Variants in MNDA observed in about 807,000 individuals in gnomAD.
MNDA encodes myeloid cell nuclear differentiation antigen.
A neutral mutation model predicts 37.8 loss-of-function variants in MNDA; 43 were observed. That is an observed-to-expected ratio of 1.14 (90% confidence interval 0.89 to 1.47). The LOEUF (loss-of-function observed/expected upper bound fraction) is 1.47. Ranked by LOEUF, MNDA falls within the 40% of genes most tolerant of loss-of-function variation. The probability of loss-of-function intolerance (pLI) is 0.00; values close to 1 mark genes in which losing one functional copy is unlikely to be tolerated. For synonymous variants in MNDA, 181 were observed against 169.0 expected (o/e 1.07, Z -0.55); for missense variants, 536 against 476.0 (o/e 1.13, Z -1.17).
rs1303571683 is a variant in MNDA at position 158,849,457 on chromosome 1, T to G, written c.*220T>G. On this transcript the variant is annotated 3_prime_UTR_variant, in exon 7 of 7. Transcript: ENST00000368141. ...TTTTTTTAGATATTACATTTTGCTT[T>G]TATGACATTCACGAGGCAAAAAATA... 319 of 471,530 alleles carry G rather than the reference T, an allele frequency of 6.8e-4. 1 individual carries two copies. The highest frequency in any genetic ancestry group is 1.8e-4 in the Non-Finnish European group (47 of 263,104). The allele number at this position is 471,530 out of a possible 1,614,324, so 29.2% of individuals were successfully genotyped here. A position where few individuals can be genotyped will look rare whatever the true frequency, so the allele number is the denominator to read the frequency against.
chr1:158,834,135 T>A (rs1658860685), intron 1 of MNDA, among the ~76,000 whole-genome samples: 1 of 152,212 alleles, frequency 6.6e-6, no homozygotes, highest in Non-Finnish European at 1.5e-5. Context: ...TTGATTTGTA[T>A]TTTTCTAAAG....
chr1:158,849,414 T>G lies in MNDA; in HGVS notation c.*177T>G, dbSNP rs1396911606. ...TAGTTTGCTTTCTGGAATAAAATTTTCTTCTTATACTCTTCCTTTTTTTTA... is the reference window on the plus strand; with the variant it reads ...TAGTTTGCTTTCTGGAATAAAATTTGCTTCTTATACTCTTCCTTTTTTTTA... On this transcript the variant is annotated 3_prime_UTR_variant, in exon 7 of 7. Transcript: ENST00000368141. 2 of 529,002 alleles carry G rather than the reference T, an allele frequency of 3.8e-6. No homozygotes were observed. Among genetic ancestry groups the G allele is most frequent in the African/African-American group, 4.0e-5 (2 of 50,314 alleles). 32.8% of individuals were successfully genotyped at this position (529,002 alleles called of 1,614,324 possible).
At chr1:158,841,883 A>G (rs185028334) in intron 1 of MNDA, among the ~76,000 whole-genome samples, 1 of 152,350 alleles carries the variant, frequency 6.6e-6, no homozygotes, top group East Asian at 1.9e-4. Flanking sequence ...ACCTGTTTCC[A>G]AACATCATTT....
In MNDA at chr1:158,842,386, T is replaced by G; in HGVS notation, c.233T>G (p.Leu78Arg). The G allele has an allele frequency of 3.1e-6, 5 of 1,611,872 alleles. No individual in the cohort carries two copies. The highest frequency in any genetic ancestry group is 4.2e-6 in the Non-Finnish European group (5 of 1,179,296). Reference sequence around the variant, plus strand: ...AAAGATATGCCATCACTTAAAAACCTTGTTAACAATCTTCGAAAAGAGAAG... The same window carrying G: ...AAAGATATGCCATCACTTAAAAACCGTGTTAACAATCTTCGAAAAGAGAAG... ...LAKDMPSLKN[L>R]VNNLRKEKSK... The change falls in exon 2 of 7, where the codon CTT (leucine) becomes CGT (arginine). Residue 78 changes from leucine (L) to arginine (R), a missense_variant. Leu to Arg is a moderately radical substitution (Grantham distance 102). Coordinates refer to ENST00000368141, the MANE Select transcript of MNDA (RefSeq NM_002432.3).
At chr1:158,844,545 C>G in intron 4 of MNDA, among the ~76,000 whole-genome samples, 1 of 150,132 alleles carries the variant, frequency 6.7e-6, no homozygotes, top group East Asian at 1.9e-4. Context: ...TGTCCTTTTT[C>G]CATTGTTGTT....
At chr1:158,841,897 C>A (rs942515255) in intron 1 of MNDA, among the ~76,000 whole-genome samples, 1 of 152,130 alleles carries the variant, frequency 6.6e-6, no homozygotes, top group Non-Finnish European at 1.5e-5. Flanking sequence ...ATCATTTCAC[C>A]ACATACACCT....
At chr1:158,847,654 T>A in intron 5 of MNDA, 74 bp from the exon 6 acceptor site, 1 of 1,423,110 alleles carries the variant, frequency 7.0e-7, no homozygotes, top group Non-Finnish European at 9.6e-7. Flanking sequence ...GCATTAACTT[T>A]GTCATGAGAC....
At chr1:158,838,322 C>G (rs1658962952) in intron 1 of MNDA, among the ~76,000 whole-genome samples, 1 of 151,930 alleles carries the variant, frequency 6.6e-6, no homozygotes, top group South Asian at 2.1e-4. Context: ...GTCTTAATTT[C>G]TCTCATTTAT....
At position 158,837,150 on chromosome 1, in the gene MNDA, G is replaced by A. The variant is rs577941890; in HGVS notation, c.-20-4984G>A. Among the ~76,000 whole-genome samples, 39 of 151,832 alleles carry A rather than the reference G, an allele frequency of 2.6e-4. 1 individual carries two copies. The highest frequency in any genetic ancestry group is 9.4e-4 in the African/African-American group (39 of 41,508). ...TGTTGGGACAATGTTCCATATGTTC[G>A]TGTGAAAAATGTGTATTCTACTGTT... On this transcript the variant is annotated intron_variant, in intron 1 of 6. Coordinates refer to ENST00000368141, the MANE Select transcript of MNDA (RefSeq NM_002432.3).
At chr1:158,844,217 A>G in intron 4 of MNDA, 95 bp downstream of exon 4, 5 of 1,195,756 alleles carry the variant, frequency 4.2e-6, no homozygotes, top group East Asian at 2.6e-5. Context: ...AACTCTTCAT[A>G]TTACTGATTT....
intron 1 of MNDA, among the ~76,000 whole-genome samples, chr1:158,834,080 C>A (rs564663653): frequency 1.7e-4 from 26 of 152,040 alleles, no homozygotes; most frequent in African/African-American, 6.3e-4. Context: ...ATGTTTTGTG[C>A]ATGTATGTTT....
At chr1:158,840,762 T>G (rs1393086121) in intron 1 of MNDA, among the ~76,000 whole-genome samples, 1 of 152,196 alleles carries the variant, frequency 6.6e-6, no homozygotes, top group Non-Finnish European at 1.5e-5. Flanking sequence ...CTACTCAGTA[T>G]TTCTGGAAGA....
In MNDA at chr1:158,849,307, G is replaced by C; in HGVS notation, c.*70G>C. 1 of 1,321,242 alleles carries C rather than the reference G, an allele frequency of 7.6e-7. No individual in the cohort carries two copies. The highest frequency in any genetic ancestry group is 1.1e-6 in the Non-Finnish European group (1 of 927,824). 81.8% of individuals were successfully genotyped at this position (1,321,242 alleles called of 1,614,324 possible). On this transcript the variant is annotated 3_prime_UTR_variant, in exon 7 of 7. Coordinates refer to ENST00000368141, the MANE Select transcript of MNDA (RefSeq NM_002432.3). ...TTAAGTTGTTAATAACTGTGATTTT[G>C]TAAATTTCAGTAATTCATTTAAATG...
chr1:158,843,160 A>T, intron 2 of MNDA, 119 bp from the exon 3 acceptor site: 1 of 1,308,328 alleles, frequency 7.6e-7, no homozygotes, highest in Non-Finnish European at 1.0e-6. Flanking sequence ...TAGAGGTAAC[A>T]GGCAAATCCG....
rs1255140058 is a variant in MNDA at position 158,847,679 on chromosome 1, A to G, written c.988-49A>G. The G allele has an allele frequency of 2.6e-6, 4 of 1,540,654 alleles. No homozygotes were observed. In the African/African-American group the frequency reaches 4.1e-5, roughly 16 times the overall value. On this transcript the variant is annotated intron_variant, in intron 5 of 6. Transcript: ENST00000368141. ...TGTCATGAGACTCTTTCTCATCTAT[A>G]TGATACTAACAATCCTCTCAGAAAC...
At chr1:158,839,010 CT>C (rs1658977729) in intron 1 of MNDA, among the ~76,000 whole-genome samples, 1 of 152,048 alleles carries the variant, frequency 6.6e-6, no homozygotes, top group African/African-American at 2.4e-5. Flanking sequence ...ACCTATTTTC[CT>C]TTAACTCATT....
intron 2 of MNDA, among the ~76,000 whole-genome samples, chr1:158,843,072 G>A (rs1022060538): frequency 5.3e-5 from 8 of 152,180 alleles, no homozygotes; most frequent in South Asian, 2.1e-4. Flanking sequence ...AGTGAGTAAA[G>A]CACTGAGGAG....
chr1:158,843,064 T>A (rs990945322), intron 2 of MNDA, among the ~76,000 whole-genome samples: 3 of 151,040 alleles, frequency 2.0e-5, no homozygotes, highest in Non-Finnish European at 4.4e-5. Context: ...AGGGGAGGAG[T>A]GAGTAAAGCA....
chr1:158,840,855 C>A (rs889559788), intron 1 of MNDA, among the ~76,000 whole-genome samples: 3 of 152,106 alleles, frequency 2.0e-5, no homozygotes, highest in Admixed American at 1.3e-4. Flanking sequence ...TAGGTTTAAA[C>A]ACAGGAACAC....
Sources: gnomAD v4.1 joint callset for allele counts (sites outside exome capture counted in the v4.1 genomes callset) on GRCh38, gnomAD v4.1.1 for gene constraint, MANE v1.5 for transcripts, NCBI Gene and HGNC (gene_info 2026-07-23, HGNC 2026-07-21) for gene names.